ASRGL1: variants seen among roughly 807,000 people sequenced by gnomAD.
ASRGL1 encodes the protein isoaspartyl peptidase/L-asparaginase.
ASRGL1 carries 16 observed loss-of-function variants against 22.4 expected under a neutral mutation model. The observed-to-expected ratio is 0.71, with a 90% CI of 0.48 to 1.08. The LOEUF (loss-of-function observed/expected upper bound fraction) is 1.08, where lower values mean the gene tolerates loss of function less well. ASRGL1 is among the 50% of genes least tolerant of loss of function. ASRGL1 has a pLI of 0.00. For synonymous variants in ASRGL1, 165 were observed against 159.3 expected (o/e 1.04, Z -0.27); for missense variants, 412 against 410.1 (o/e 1.00, Z -0.04).
At chr11:62,380,996 G>A (rs1281990888) in intron 4 of ASRGL1, among the ~76,000 whole-genome samples, 1 of 152,158 alleles carries the variant, frequency 6.6e-6, no homozygotes, top group Non-Finnish European at 1.5e-5. Flanking sequence ...TGTGGTGCTG[G>A]AAACACTCCT....
intron 4 of ASRGL1, among the ~76,000 whole-genome samples, chr11:62,369,036 C>T (rs1018757164): frequency 2.0e-5 from 3 of 152,250 alleles, no homozygotes; most frequent in Admixed American, 1.3e-4. Context: ...AGACCCTTTA[C>T]GGGTGTCAGG....
intron 4 of ASRGL1, chr11:62,371,270 G>C: frequency 7.4e-7 from 1 of 1,352,792 alleles, no homozygotes; most frequent in Non-Finnish European, 9.7e-7. Context: ...AGTAGCAGCA[G>C]TGGTGGCAGC....
rs756896333 is a variant in ASRGL1, at chr11:62,392,228, G to A, written c.871G>A (p.Gly291Ser). ...CATGCCCTGGGCAGCCGCCAAGGAC[G>A]GCAAGCTGCACTTCGGAATTGATCC... is the stretch of plus-strand genomic sequence containing the variant. ...TSMPWAAAKD[G>S]KLHFGIDPDD... Residue 291 changes from glycine to serine, a missense_variant, in exon 7 of 7, where the codon GGC (glycine) becomes AGC (serine). Coordinates refer to ENST00000415229, the MANE Select transcript of ASRGL1 (RefSeq NM_001083926.2). 17 of 1,614,084 alleles carry A rather than the reference G, an allele frequency of 1.1e-5. No homozygotes were observed. Among genetic ancestry groups the A allele is most frequent in the South Asian group, 8.8e-5 (8 of 91,088 alleles).
At chr11:62,380,915 T>G (rs766948121) in intron 4 of ASRGL1, among the ~76,000 whole-genome samples, 6 of 152,290 alleles carry the variant, frequency 3.9e-5, no homozygotes, top group African/African-American at 7.2e-5. Context: ...TGTAATGCAC[T>G]ACCTTGTCCA....
intron 2 of ASRGL1, among the ~76,000 whole-genome samples, chr11:62,353,162 T>A (rs1397726531): frequency 6.6e-6 from 1 of 152,142 alleles, no homozygotes; most frequent in African/African-American, 2.4e-5. Context: ...GATTTCTTAG[T>A]CCAGTAATTC....
At chr11:62,373,241 C>A in intron 4 of ASRGL1, 3 of 796,256 alleles carry the variant, frequency 3.8e-6, no homozygotes, top group Non-Finnish European at 4.4e-6. Context: ...TGCACTGGGA[C>A]GGGAAGTCAA....
intron 4 of ASRGL1, among the ~76,000 whole-genome samples, chr11:62,370,102 T>C (rs2134651970): frequency 6.8e-6 from 1 of 146,474 alleles, no homozygotes; most frequent in Middle Eastern, 3.4e-3. Flanking sequence ...TAAAGTAAAA[T>C]TGAATTTTTT....
chr11:62,342,370 T>C (rs1309424551), intron 2 of ASRGL1, among the ~76,000 whole-genome samples: 1 of 152,236 alleles, frequency 6.6e-6, no homozygotes, highest in East Asian at 1.9e-4. Context: ...TTGTTTATTA[T>C]GGCTAGCAGA....
intron 4 of ASRGL1, among the ~76,000 whole-genome samples, chr11:62,373,887 A>T (rs1463844606): frequency 2.0e-5 from 3 of 152,224 alleles, no homozygotes; most frequent in African/African-American, 7.2e-5. Context: ...TTATGGAACC[A>T]TGGGGACTTG....
chr11:62,380,013 T>C (rs2134678884), intron 4 of ASRGL1, among the ~76,000 whole-genome samples: 1 of 152,300 alleles, frequency 6.6e-6, no homozygotes, highest in Admixed American at 6.5e-5. Context: ...AGTTATATTT[T>C]GTTTTTTTGA....
At chr11:62,387,059 A>AAT (rs776570456) in intron 4 of ASRGL1, among the ~76,000 whole-genome samples, 21 of 143,652 alleles carry the variant, frequency 1.5e-4, no homozygotes, top group African/African-American at 5.4e-4. Flanking sequence ...CACTTAGCTA[A>AAT]TTTTTTTTTT....
At chr11:62,354,015 C>T (rs1481053169) in intron 2 of ASRGL1, among the ~76,000 whole-genome samples, 1 of 152,174 alleles carries the variant, frequency 6.6e-6, no homozygotes, top group African/African-American at 2.4e-5. Context: ...GGTTTCCCCA[C>T]CTGTTAAACT....
intron 4 of ASRGL1, among the ~76,000 whole-genome samples, chr11:62,368,142 A>T (rs1486148459): frequency 6.6e-6 from 1 of 152,148 alleles, no homozygotes; most frequent in African/African-American, 2.4e-5. Context: ...ACATTCACAT[A>T]ACTTTTACTA....
chr11:62,344,203 C>T (rs893958031), intron 2 of ASRGL1, among the ~76,000 whole-genome samples: 1 of 152,056 alleles, frequency 6.6e-6, no homozygotes, highest in Non-Finnish European at 1.5e-5. Context: ...GCCTGTCGTT[C>T]ATATTTCTTC....
chr11:62,352,760 T>C (rs1946197395), intron 2 of ASRGL1, among the ~76,000 whole-genome samples: 1 of 152,204 alleles, frequency 6.6e-6, no homozygotes, highest in Admixed American at 6.5e-5. Context: ...TTCTTCCTTC[T>C]GGCCTCCGTG....
chr11:62,348,532 G>A (rs1033004503), intron 2 of ASRGL1, among the ~76,000 whole-genome samples: 3 of 151,772 alleles, frequency 2.0e-5, no homozygotes, highest in East Asian at 1.9e-4. Flanking sequence ...GCGAAACCCC[G>A]TCTCTACTAA....
At chr11:62,368,689 C>G (rs370085684) in intron 4 of ASRGL1, among the ~76,000 whole-genome samples, 2 of 152,020 alleles carry the variant, frequency 1.3e-5, no homozygotes, top group Non-Finnish European at 1.5e-5. Flanking sequence ...TCTGCCATCT[C>G]GGAGAGGGGG....
intron 2 of ASRGL1, among the ~76,000 whole-genome samples, chr11:62,350,066 T>C (rs1946133989): frequency 2.0e-5 from 3 of 152,198 alleles, no homozygotes; most frequent in Admixed American, 2.0e-4. Context: ...TGTCTCATCC[T>C]GTGACTTAGA....
chr11:62,371,275 G>GGCA (rs36033542), intron 4 of ASRGL1: 182 of 1,351,250 alleles, frequency 1.3e-4, no homozygotes, highest in Non-Finnish European at 1.7e-4. Flanking sequence ...CAGCAGTGGT[G>GGCA]GCAGCAGCAG....
Sources: gnomAD v4.1 joint callset for allele counts (sites outside exome capture counted in the v4.1 genomes callset) on GRCh38, gnomAD v4.1.1 for gene constraint, MANE v1.5 for transcripts, NCBI Gene and HGNC (gene_info 2026-07-23, HGNC 2026-07-21) for gene names.